KIF6: variants seen among roughly 807,000 people sequenced by gnomAD.
The protein encoded by KIF6 is kinesin family member 6.
Under a neutral mutation model 112.7 loss-of-function variants are expected in KIF6, and 106 were observed. The observed-to-expected ratio is 0.94, with a 90% confidence interval of 0.80 to 1.11. The LOEUF (loss-of-function observed/expected upper bound fraction) is 1.11. Among genes scored for constraint, KIF6 ranks in the 50% least tolerant of loss-of-function variants. KIF6 has a pLI of 0.00. For missense variants in KIF6, 929 were observed against 964.0 expected (o/e 0.96, Z 0.48); for synonymous variants, 339 against 339.9 (o/e 1.00, Z 0.03).
At chr6:39,631,727 T>G (rs533027833) in intron 5 of KIF6, among the ~76,000 whole-genome samples, 10 of 152,026 alleles carry the variant, frequency 6.6e-5, no homozygotes, top group Admixed American at 5.9e-4. Flanking sequence ...GTTTTTTTGT[T>G]TTTTTTGTAC....
At chr6:39,437,949 G>A (rs1170681022) in intron 13 of KIF6, among the ~76,000 whole-genome samples, 2 of 151,536 alleles carry the variant, frequency 1.3e-5, no homozygotes, top group East Asian at 3.9e-4. Flanking sequence ...ACTGATTTAT[G>A]TATTTACTAT....
chr6:39,432,384 G>C (rs1159202669), intron 13 of KIF6, among the ~76,000 whole-genome samples: 1 of 152,196 alleles, frequency 6.6e-6, no homozygotes. Flanking sequence ...GGGTTCCGCA[G>C]AGGCTTTCAT....
At chr6:39,344,844 C>T (rs57794263) in intron 21 of KIF6, among the ~76,000 whole-genome samples, 20,459 of 151,994 alleles carry the variant, frequency 0.13, 1,482 homozygotes, top group Middle Eastern at 0.26. Context: ...TCATATTTAG[C>T]TAAGTTGCCA....
intron 13 of KIF6, among the ~76,000 whole-genome samples, chr6:39,522,395 A>G (rs1309737392): frequency 6.6e-6 from 1 of 152,180 alleles, no homozygotes; most frequent in Non-Finnish European, 1.5e-5. Context: ...CTCCTGGTTC[A>G]CAGTTTTCCT....
chr6:39,478,615 CT>C (rs1774595963), intron 13 of KIF6, among the ~76,000 whole-genome samples: 1 of 151,774 alleles, frequency 6.6e-6, no homozygotes, highest in South Asian at 2.1e-4. Context: ...AATCGCCGCA[CT>C]GTTTTCCATG....
chr6:39,476,509 C>T (rs1018715837), intron 13 of KIF6, among the ~76,000 whole-genome samples: 1 of 152,168 alleles, frequency 6.6e-6, no homozygotes, highest in African/African-American at 2.4e-5. Context: ...CAATGATGGC[C>T]TGCACCATCA....
intron 5 of KIF6, among the ~76,000 whole-genome samples, chr6:39,631,606 G>A (rs1184727036): frequency 6.6e-6 from 1 of 151,952 alleles, no homozygotes; most frequent in East Asian, 1.9e-4. Flanking sequence ...AATCTCACTT[G>A]GTCATGATAT....
chr6:39,672,430 A>G (rs1786878195), intron 3 of KIF6, among the ~76,000 whole-genome samples: 1 of 152,228 alleles, frequency 6.6e-6, no homozygotes. Flanking sequence ...TTATTTGTTG[A>G]AAATTTACCA....
At chr6:39,493,182 T>G (rs1775572351) in intron 13 of KIF6, among the ~76,000 whole-genome samples, 1 of 152,236 alleles carries the variant, frequency 6.6e-6, no homozygotes, top group Non-Finnish European at 1.5e-5. Flanking sequence ...CAATCCTGAA[T>G]GACTCAGAAA....
rs1472843769 is a variant in KIF6 at position 39,343,044 on chromosome 6, G to T, written c.2428+665C>A. ...ACAAAATGCAGGCCTGGGGTAAGGG[G>T]CCCTGGGGCTTGCCCTGTGGGTGTG... On this transcript the variant is annotated intron_variant, in intron 22 of 22. Transcript: ENST00000287152. The surrounding 1 kb of genome is among the most constrained non-coding windows in gnomAD (Gnocchi z 4.1). 3.7e-5 allele frequency: 36 copies of T among 985,324 alleles called. No individual in the cohort carries two copies. The highest frequency in any genetic ancestry group is 6.1e-5 in the Admixed American group (1 of 16,262). The allele number at this position is 985,324 out of a possible 1,614,324, so 61.0% of individuals were successfully genotyped here. A position where few individuals can be genotyped will look rare whatever the true frequency, so the allele number is the denominator to read the frequency against.
chr6:39,550,745 C>A (rs577340557), intron 10 of KIF6, among the ~76,000 whole-genome samples: 1 of 152,300 alleles, frequency 6.6e-6, no homozygotes, highest in African/African-American at 2.4e-5. Context: ...ATACCAAATA[C>A]ATATCAAAAT....
chr6:39,686,801 A>G (rs145331254), intron 3 of KIF6, among the ~76,000 whole-genome samples: 144 of 152,362 alleles, frequency 9.5e-4, no homozygotes, highest in Middle Eastern at 3.4e-3. Context: ...TGAATCATTA[A>G]TGCATGTTTT....
chr6:39,495,255 G>A (rs1013116862), intron 13 of KIF6, among the ~76,000 whole-genome samples: 34 of 152,302 alleles, frequency 2.2e-4, no homozygotes, highest in Middle Eastern at 3.4e-3. Context: ...ATACCAAAGT[G>A]GAGCTAGAAT....
At chr6:39,456,747 A>T (rs1773140586) in intron 13 of KIF6, among the ~76,000 whole-genome samples, 1 of 78,408 alleles carries the variant, frequency 1.3e-5, no homozygotes, top group Non-Finnish European at 2.2e-5. Context: ...CAGACTTTAA[A>T]CCAACAAAGA....
chr6:39,707,710 T>C (rs1789297562), intron 3 of KIF6, among the ~76,000 whole-genome samples: 1 of 152,190 alleles, frequency 6.6e-6, no homozygotes, highest in Non-Finnish European at 1.5e-5. Flanking sequence ...GTTTTTTGAG[T>C]GGCAAAGAAA....
chr6:39,648,414 C>T (rs760885546), intron 3 of KIF6, among the ~76,000 whole-genome samples: 11 of 152,224 alleles, frequency 7.2e-5, no homozygotes, highest in Non-Finnish European at 1.5e-4. Context: ...ACAAGAAATC[C>T]TCTCTGCTTT....
chr6:39,653,139 T>A (rs1320377762), intron 3 of KIF6, among the ~76,000 whole-genome samples: 1 of 152,206 alleles, frequency 6.6e-6, no homozygotes, highest in Non-Finnish European at 1.5e-5. Flanking sequence ...AACCACACCT[T>A]TGTTGCTGAC....
At chr6:39,397,354 G>A (rs4392720) in intron 15 of KIF6, among the ~76,000 whole-genome samples, 115,187 of 152,108 alleles carry the variant, frequency 0.76, 45,558 homozygotes, top group South Asian at 0.92. Flanking sequence ...TCCCCATCCC[G>A]TTATTTTACT....
intron 13 of KIF6, among the ~76,000 whole-genome samples, chr6:39,513,478 G>T (rs929051467): frequency 6.6e-6 from 1 of 152,206 alleles, no homozygotes; most frequent in Non-Finnish European, 1.5e-5. Context: ...GGTCTTAGTA[G>T]TATGGGCACA....
Sources: gnomAD v4.1 joint callset for allele counts (sites outside exome capture counted in the v4.1 genomes callset) on GRCh38, gnomAD v4.1.1 for gene constraint, Gnocchi (gnomAD v3.1) non-coding constraint, MANE v1.5 for transcripts, NCBI Gene and HGNC (gene_info 2026-07-23, HGNC 2026-07-21) for gene names.